ZFC3H1: variants seen among roughly 807,000 people sequenced by gnomAD.
ZFC3H1 encodes zinc finger C3H1 domain-containing protein.
A neutral mutation model predicts 243.7 loss-of-function variants in ZFC3H1; 71 were observed. The observed-to-expected ratio is 0.29, with a 90% confidence interval of 0.24 to 0.36. The LOEUF is 0.36. ZFC3H1 is among the 10% of genes least tolerant of loss of function. The probability of loss-of-function intolerance (pLI) is 1.00; values close to 1 mark genes in which losing one functional copy is unlikely to be tolerated. For missense variants in ZFC3H1, 1,966 were observed against 2,317.1 expected, an observed-to-expected ratio of 0.85 and a Z score of 3.11; for synonymous variants, 838 against 813.0, an observed-to-expected ratio of 1.03 and a Z score of -0.52.
rs1053551575 is a variant in ZFC3H1 at position 71,652,670 on chromosome 12, T to C, written c.1015+4215A>G. 3.9e-5 allele frequency among the ~76,000 whole-genome samples: 6 copies of C among 152,198 alleles called. No individual in the cohort carries two copies. In the South Asian group the frequency reaches 1.0e-3, roughly 26 times the overall value. ...TCCAGGCTTTCACACATAACTCATA[T>C]TATACTCCATGATAGAGATTTGTGT... On this transcript the variant is annotated intron_variant, in intron 2 of 34. Coordinates refer to ENST00000378743, the MANE Select transcript of ZFC3H1 (RefSeq NM_144982.5).
rs565804761 is a variant in ZFC3H1, at chr12:71,634,567, T to C, written c.2360+137A>G. The C allele has an allele frequency of 2.7e-4, 293 of 1,085,626 alleles. 2 individuals carry two copies. The African/African-American group carries it at 4.2e-3, about 16-fold the overall frequency. 67.2% of individuals were successfully genotyped at this position (1,085,626 alleles called of 1,614,324 possible). On this transcript the variant is annotated intron_variant, in intron 11 of 34. Coordinates refer to ENST00000378743, the MANE Select transcript of ZFC3H1 (RefSeq NM_144982.5). ...TGTATGACCATCCAGCACCATCTTC[T>C]GTGTGAGTTATAAAACATTAACTCT...
At chr12:71,615,658 C>T (rs1201487816) in intron 27 of ZFC3H1, among the ~76,000 whole-genome samples, 1 of 152,042 alleles carries the variant, frequency 6.6e-6, no homozygotes, top group Non-Finnish European at 1.5e-5. Context: ...CTGGGACTTA[C>T]AGGCATGCAT....
chr12:71,619,858 C>A, intron 26 of ZFC3H1, 68 bp downstream of exon 26: 3 of 1,443,958 alleles, frequency 2.1e-6, no homozygotes, highest in Non-Finnish European at 2.8e-6. Context: ...GAAACACTTC[C>A]TGGTGAGGCC....
At chr12:71,631,922 A>G in intron 15 of ZFC3H1, 35 bp from the exon 16 acceptor site, 1 of 1,607,666 alleles carries the variant, frequency 6.2e-7, no homozygotes, top group Non-Finnish European at 8.5e-7. Flanking sequence ...TAAGGCAAAT[A>G]AGGCTGGGTG....
At chr12:71,656,340 T>C (rs1881018699) in intron 2 of ZFC3H1, 1 of 398,824 alleles carries the variant, frequency 2.5e-6, no homozygotes, top group Non-Finnish European at 4.4e-6. Flanking sequence ...GCCAAATCCA[T>C]GATTTAAAAA....
rs1418937087 is a variant in ZFC3H1, at chr12:71,624,603, C to T, written c.4318-311G>A. ...TCGCAGCAAGATCATGATGAATATC[C>T]AAAAGTACACATTTATTATCACATA... On this transcript the variant is annotated intron_variant, in intron 22 of 34. Coordinates refer to ENST00000378743, the MANE Select transcript of ZFC3H1 (RefSeq NM_144982.5). 3.3e-5 allele frequency among the ~76,000 whole-genome samples: 5 copies of T among 152,260 alleles called. No homozygotes were observed. In the East Asian group the frequency reaches 9.6e-4, roughly 29 times the overall value.
intron 2 of ZFC3H1, among the ~76,000 whole-genome samples, chr12:71,653,778 G>A (rs935550564): frequency 7.2e-5 from 11 of 152,216 alleles, no homozygotes; most frequent in Admixed American, 7.2e-4. Context: ...CACTTTGGGA[G>A]GCCAAGGCAG....
chr12:71,619,252 TA>T, intron 27 of ZFC3H1, 62 bp downstream of exon 27: 1 of 1,444,720 alleles, frequency 6.9e-7, no homozygotes, highest in Non-Finnish European at 9.4e-7. Context: ...AAAAAAACTG[TA>T]ATCTTTCTAC....
intron 18 of ZFC3H1, 130 bp downstream of exon 18, chr12:71,630,470 C>A: frequency 1.6e-6 from 2 of 1,253,492 alleles, no homozygotes; most frequent in Non-Finnish European, 2.1e-6. Flanking sequence ...TACAGCAAAT[C>A]TAGATAAAGT....
intron 1 of ZFC3H1, among the ~76,000 whole-genome samples, chr12:71,662,497 T>TCCCCCCCC (rs150388437): frequency 5.8e-5 from 6 of 103,494 alleles, no homozygotes; most frequent in Non-Finnish European, 7.8e-5. Context: ...TTTTTACCCC[T>TCCCCCCCC]CCCCCCCCCA....
intron 27 of ZFC3H1, among the ~76,000 whole-genome samples, chr12:71,617,072 G>A (rs1879909685): frequency 6.6e-6 from 1 of 152,090 alleles, no homozygotes; most frequent in South Asian, 2.1e-4. Flanking sequence ...CACATAGAGA[G>A]TTGACAGAAT....
chr12:71,629,885 C>T (rs1367869368), intron 18 of ZFC3H1, among the ~76,000 whole-genome samples, 175 bp from the exon 19 acceptor site: 9 of 151,420 alleles, frequency 5.9e-5, no homozygotes, highest in Non-Finnish European at 1.3e-4. Flanking sequence ...TATGGCAAAT[C>T]CTACCACATC....
rs1297710947 is a variant in ZFC3H1 at position 71,663,473 on chromosome 12, G to A, written c.138C>T (p.Gly46=). 2 of 1,612,864 alleles carry A rather than the reference G, an allele frequency of 1.2e-6. No homozygotes were observed. The highest frequency in any genetic ancestry group is 1.7e-6 in the Non-Finnish European group (2 of 1,180,044). ...IRSRSSSSSS[G]GGLLPYPRRR... is the part of the protein sequence containing the mutation. ...GCCGCGGATAGGGTAACAGCCCGCCGCCGCTGCTGCTGCTGCTGCTCCGAC... is the reference window on the plus strand; with the variant it reads ...GCCGCGGATAGGGTAACAGCCCGCCACCGCTGCTGCTGCTGCTGCTCCGAC... Residue 46 remains glycine (G), a synonymous_variant, in exon 1 of 35, where the codon GGC becomes GGT. Coordinates refer to ENST00000378743, the MANE Select transcript of ZFC3H1 (RefSeq NM_144982.5).
intron 2 of ZFC3H1, among the ~76,000 whole-genome samples, chr12:71,651,919 G>A (rs117358652): frequency 3.3e-4 from 50 of 152,288 alleles, no homozygotes; most frequent in Non-Finnish European, 4.7e-4. Flanking sequence ...CAAGACAGTC[G>A]TTACCCTCAG....
intron 6 of ZFC3H1, among the ~76,000 whole-genome samples, chr12:71,638,927 G>A (rs374217871): frequency 2.5e-4 from 38 of 152,234 alleles, no homozygotes; most frequent in African/African-American, 8.7e-4. Flanking sequence ...ATGATGTGGT[G>A]ACTTCATTAT....
chr12:71,657,920 C>T (rs1188617852), intron 1 of ZFC3H1, among the ~76,000 whole-genome samples: 3 of 150,906 alleles, frequency 2.0e-5, no homozygotes, highest in Non-Finnish European at 2.9e-5. Context: ...ACTCAGGAGG[C>T]GGAGGTTGCA....
rs766314360 is a variant in ZFC3H1 at position 71,615,276 on chromosome 12, G to A, written c.5185C>T (p.Arg1729Cys). 38 of 1,612,584 alleles carry A rather than the reference G, an allele frequency of 2.4e-5. No homozygotes were observed. Among genetic ancestry groups the A allele is most frequent in the Non-Finnish European group, 2.8e-5 (33 of 1,179,486 alleles). Reference protein sequence around the residue: ...NIPGPIDIPSRLCKGNFDDDM... With the variant: ...NIPGPIDIPSCLCKGNFDDDM... The stretch of plus-strand genomic sequence containing the variant: ...TCATCAAAATTCCCTTTACATAAAC[G>A]AGATGGAATGTCAATTGGTCCTGGA... The change falls in exon 28 of 35, where the codon CGT (arginine) becomes TGT (cysteine). Residue 1729 changes from arginine to cysteine, a missense_variant. Coordinates refer to ENST00000378743, the MANE Select transcript of ZFC3H1 (RefSeq NM_144982.5).
chr12:71,628,312 T>C (rs183730172), intron 20 of ZFC3H1, among the ~76,000 whole-genome samples: 126 of 152,360 alleles, frequency 8.3e-4, no homozygotes, highest in Non-Finnish European at 1.5e-3. Flanking sequence ...AGTCATAATT[T>C]ATAAAGATTA....
intron 23 of ZFC3H1, 57 bp downstream of exon 23, chr12:71,624,047 G>T: frequency 6.6e-7 from 1 of 1,510,756 alleles, no homozygotes; most frequent in Non-Finnish European, 9.0e-7. Flanking sequence ...GGATAACGGT[G>T]TAGACCTTTT....
Sources: gnomAD v4.1 joint callset for allele counts (sites outside exome capture counted in the v4.1 genomes callset) on GRCh38, gnomAD v4.1.1 for gene constraint, MANE v1.5 for transcripts, NCBI Gene and HGNC (gene_info 2026-07-23, HGNC 2026-07-21) for gene names.